HERC6: variants seen among roughly 807,000 people sequenced by gnomAD.
HERC6 encodes the protein probable E3 ubiquitin-protein ligase HERC6.
HERC6 carries 101 observed loss-of-function variants against 114.5 expected under a neutral mutation model. That is an observed-to-expected ratio of 0.88 (90% CI 0.75 to 1.04). The LOEUF (loss-of-function observed/expected upper bound fraction) is 1.04. Ranked by LOEUF, HERC6 falls within the 50% of genes least tolerant of loss-of-function variation. The probability of loss-of-function intolerance (pLI) is 0.00; values close to 1 mark genes in which losing one functional copy is unlikely to be tolerated. For synonymous variants in HERC6, 408 were observed against 436.2 expected (o/e 0.94, Z 0.81); for missense variants, 1,133 against 1,230.9 (o/e 0.92, Z 1.19).
At chr4:88,391,416 T>C (rs959992521) in intron 4 of HERC6, among the ~76,000 whole-genome samples, 1 of 152,234 alleles carries the variant, frequency 6.6e-6, no homozygotes, top group African/African-American at 2.4e-5. Flanking sequence ...TTAACAACTT[T>C]AGTTCCATCG....
At chr4:88,402,999 C>G (rs761110649) in intron 8 of HERC6, among the ~76,000 whole-genome samples, 1 of 152,170 alleles carries the variant, frequency 6.6e-6, no homozygotes, top group Non-Finnish European at 1.5e-5. Flanking sequence ...CAAAATGATG[C>G]AGGATTTCCT....
chr4:88,386,315 C>T (rs1423093029), intron 3 of HERC6, among the ~76,000 whole-genome samples: 4 of 151,472 alleles, frequency 2.6e-5, no homozygotes, highest in Non-Finnish European at 5.9e-5. Context: ...AGGCGATTCT[C>T]CTGCCTCAGC....
intron 16 of HERC6, among the ~76,000 whole-genome samples, chr4:88,430,420 A>T (rs992035906): frequency 6.6e-6 from 1 of 151,556 alleles, no homozygotes; most frequent in African/African-American, 2.4e-5. Context: ...AAATACAAAA[A>T]CTAGCTGGGT....
intron 15 of HERC6, among the ~76,000 whole-genome samples, chr4:88,426,019 C>T (rs1456278861): frequency 6.6e-6 from 1 of 152,118 alleles, no homozygotes; most frequent in East Asian, 1.9e-4. Context: ...TTTTTATACC[C>T]CGCTAATTAC....
chr4:88,422,440 A>G (rs569263474), intron 13 of HERC6, among the ~76,000 whole-genome samples: 1 of 152,302 alleles, frequency 6.6e-6, no homozygotes, highest in South Asian at 2.1e-4. Flanking sequence ...TTAAAAGGTT[A>G]AGGAAACTTC....
chr4:88,411,798 C>T (rs1418255233), intron 11 of HERC6, among the ~76,000 whole-genome samples: 1 of 152,162 alleles, frequency 6.6e-6, no homozygotes, highest in Admixed American at 6.5e-5. Context: ...GCTGTAAAAT[C>T]CTCCACTCAA....
At chr4:88,409,710 T>C (rs947868365) in intron 11 of HERC6, among the ~76,000 whole-genome samples, 2 of 152,224 alleles carry the variant, frequency 1.3e-5, no homozygotes, top group African/African-American at 4.8e-5. Flanking sequence ...TACTACTTCA[T>C]CCTTTCTCTT....
intron 3 of HERC6, among the ~76,000 whole-genome samples, chr4:88,386,115 T>C (rs1198711258): frequency 2.0e-5 from 3 of 152,064 alleles, no homozygotes; most frequent in African/African-American, 7.2e-5. Context: ...TACCCTCTTA[T>C]GCGTAGTCTT....
At chr4:88,403,294 AC>A (rs942123708) in intron 8 of HERC6, among the ~76,000 whole-genome samples, 5 of 152,192 alleles carry the variant, frequency 3.3e-5, no homozygotes, top group Non-Finnish European at 7.3e-5. Context: ...ATCTACTTTA[AC>A]AAGCTCACCA....
chr4:88,385,139 A>C (rs1734509702), intron 2 of HERC6, among the ~76,000 whole-genome samples: 1 of 152,214 alleles, frequency 6.6e-6, no homozygotes, highest in Non-Finnish European at 1.5e-5. Flanking sequence ...TTAGATGATG[A>C]AGTTGTTGGT....
Position 88,417,497 on chromosome 4 carries a change from C to G in HERC6, c.1631C>G (p.Ser544Cys). 6.2e-7 allele frequency: 1 copy of G among 1,611,984 alleles called. No individual in the cohort carries two copies. The highest frequency in any genetic ancestry group is 8.5e-7 in the Non-Finnish European group (1 of 1,178,960). Residue 544 changes from serine to cysteine, a missense_variant, in exon 13 of 23, where the codon TCT becomes TGT. Around this residue, in one of 3 missense-constraint regions of HERC6, gnomAD observed 735 missense variants for 754.0 expected, o/e 0.97. Transcript: ENST00000264346. ...LIQMLKAAII[S>C]QLLHQTKTEQ... Reference sequence around the variant, plus strand: ...CAGATGCTTAAAGCAGCCATCATCTCTCAGCTGCTTCATCAGACTAAAACC... The same window carrying G: ...CAGATGCTTAAAGCAGCCATCATCTGTCAGCTGCTTCATCAGACTAAAACC...
intron 8 of HERC6, chr4:88,398,430 AT>A: frequency 2.6e-6 from 1 of 384,464 alleles, no homozygotes. Context: ...TTTCAGATTT[AT>A]TTTTTCTTTA....
At chr4:88,391,294 T>G (rs1488593475) in intron 4 of HERC6, among the ~76,000 whole-genome samples, 1 of 152,246 alleles carries the variant, frequency 6.6e-6, no homozygotes, top group Non-Finnish European at 1.5e-5. Context: ...TCAAGTCACA[T>G]TACTTTCACA....
chr4:88,421,907 T>C (rs1273596241), intron 13 of HERC6, among the ~76,000 whole-genome samples: 1 of 152,224 alleles, frequency 6.6e-6, no homozygotes, highest in Non-Finnish European at 1.5e-5. Context: ...CTGTATCTTA[T>C]TTTGAGAAAT....
intron 7 of HERC6, among the ~76,000 whole-genome samples, chr4:88,397,402 G>A (rs1458949428): frequency 3.9e-5 from 6 of 151,924 alleles, no homozygotes; most frequent in Non-Finnish European, 7.4e-5. Flanking sequence ...ATGAGCCACC[G>A]CGCCTGGCTG....
intron 1 of HERC6, among the ~76,000 whole-genome samples, chr4:88,380,315 TAA>T (rs1221207710): frequency 2.9e-5 from 1 of 35,080 alleles, no homozygotes; most frequent in Admixed American, 6.0e-4. Context: ...ATATAATATA[TAA>T]ATATATATAT....
intron 5 of HERC6, among the ~76,000 whole-genome samples, chr4:88,394,556 A>ATTTTTT (rs991479295): frequency 1.7e-4 from 24 of 144,034 alleles, no homozygotes; most frequent in African/African-American, 6.2e-4. Context: ...TATTATTATT[A>ATTTTTT]TTTTTTGAGA....
intron 16 of HERC6, among the ~76,000 whole-genome samples, chr4:88,429,121 T>C (rs1737930655): frequency 1.3e-5 from 2 of 152,144 alleles, no homozygotes; most frequent in African/African-American, 4.8e-5. Flanking sequence ...TGTCTGGGAG[T>C]TGGCTAGGGA....
At chr4:88,420,072 T>C (rs1736877034) in intron 13 of HERC6, among the ~76,000 whole-genome samples, 1 of 152,026 alleles carries the variant, frequency 6.6e-6, no homozygotes, top group Non-Finnish European at 1.5e-5. Flanking sequence ...TCTCTCTTAC[T>C]ATATATAGGG....
Sources: gnomAD v4.1 joint callset for allele counts (sites outside exome capture counted in the v4.1 genomes callset) on GRCh38, gnomAD v4.1.1 for gene constraint, gnomAD v4.1.1 regional missense constraint, MANE v1.5 for transcripts, NCBI Gene and HGNC (gene_info 2026-07-23, HGNC 2026-07-21) for gene names.